Variants in ERC2 observed in about 807,000 individuals in gnomAD.
ERC2 encodes the protein ERC protein 2.
In ERC2, 42 loss-of-function variants were observed where a neutral mutation model predicts 114.8. The ratio of observed to expected loss-of-function variants is 0.37; its 90% CI spans 0.29 to 0.47. ERC2 has a LOEUF of 0.47. Ranked by LOEUF, ERC2 falls within the 20% of genes least tolerant of loss-of-function variation. The pLI is 0.99. For missense variants in ERC2, 939 were observed against 1,150.7 expected, an observed-to-expected ratio of 0.82 and a Z score of 2.66; for synonymous variants, 454 against 425.5, an observed-to-expected ratio of 1.07 and a Z score of -0.82.
At chr3:56,172,914 A>G (rs891061117) in intron 4 of ERC2, among the ~76,000 whole-genome samples, 1 of 152,168 alleles carries the variant, frequency 6.6e-6, no homozygotes, top group Admixed American at 6.5e-5. Context: ...GCTAAATAGG[A>G]TACTTTGCAA....
chr3:55,830,770 C>T (rs1375321436), intron 14 of ERC2, among the ~76,000 whole-genome samples: 1 of 151,826 alleles, frequency 6.6e-6, no homozygotes, highest in Non-Finnish European at 1.5e-5. Flanking sequence ...ATAGCAAGAC[C>T]CCATTTCTAA....
rs180807361 is a variant in ERC2, at chr3:56,044,091, T to C, written c.1642-25060A>G. ...CCTAGTTCTCAAAGTAAAATTACTT[T>C]CATTATCTTAAGTTAAAACCAAATA... On this transcript the variant is annotated intron_variant, in intron 7 of 17. Transcript: ENST00000288221. 2.2e-3 allele frequency among the ~76,000 whole-genome samples: 342 copies of C among 152,312 alleles called. 1 individual carries two copies. The highest frequency in any genetic ancestry group is 3.8e-3 in the Non-Finnish European group (259 of 68,006).
In ERC2 at chr3:56,301,617, T is replaced by C. The variant is rs1000029887; in HGVS notation, c.658-5182A>G. Among the ~76,000 whole-genome samples the C allele has an allele frequency of 3.3e-5, 5 of 151,972 alleles. No homozygotes were observed. In the East Asian group the frequency reaches 9.7e-4, roughly 29 times the overall value. Reference sequence around the variant, plus strand: ...TGGGCACAGTGGCATATGCCTATAGTCCCAGCTACTTGGGAGGCTGAGAGG... The same window carrying C: ...TGGGCACAGTGGCATATGCCTATAGCCCCAGCTACTTGGGAGGCTGAGAGG... On this transcript the variant is annotated intron_variant, in intron 2 of 17. Transcript: ENST00000288221.
chr3:56,075,338 G>A (rs1263616072), intron 7 of ERC2, among the ~76,000 whole-genome samples: 4 of 152,136 alleles, frequency 2.6e-5, no homozygotes, highest in African/African-American at 9.7e-5. Flanking sequence ...AGGGAGAGCA[G>A]CCGTCAACAG....
intron 4 of ERC2, among the ~76,000 whole-genome samples, chr3:56,157,653 T>C (rs994185375): frequency 6.6e-6 from 1 of 152,178 alleles, no homozygotes; most frequent in African/African-American, 2.4e-5. Context: ...TTCCCGTTCC[T>C]TTTAACCCAC....
intron 6 of ERC2, among the ~76,000 whole-genome samples, chr3:56,095,150 G>A (rs1423802168): frequency 1.3e-5 from 2 of 152,144 alleles, no homozygotes; most frequent in Admixed American, 6.5e-5. Flanking sequence ...AACTACTTGG[G>A]AGGCTGAGGC....
chr3:56,157,412 C>G (rs554217848), intron 4 of ERC2, among the ~76,000 whole-genome samples: 1 of 152,256 alleles, frequency 6.6e-6, no homozygotes, highest in South Asian at 2.1e-4. Context: ...CAATGGGTTG[C>G]ATGTCATCTT....
At chr3:55,528,964 A>G (rs1349887674) in intron 17 of ERC2, among the ~76,000 whole-genome samples, 1 of 152,204 alleles carries the variant, frequency 6.6e-6, no homozygotes, top group African/African-American at 2.4e-5. Flanking sequence ...TTTTAAGATG[A>G]AGACAGTGGA....
chr3:55,710,791 A>G (rs912028053), intron 15 of ERC2, among the ~76,000 whole-genome samples: 1 of 152,218 alleles, frequency 6.6e-6, no homozygotes, highest in African/African-American at 2.4e-5. Context: ...CTCCCCTACA[A>G]ATAAGGACTT....
chr3:55,684,864 A>G (rs1287056553), intron 16 of ERC2, among the ~76,000 whole-genome samples: 1 of 152,184 alleles, frequency 6.6e-6, no homozygotes, highest in Non-Finnish European at 1.5e-5. Flanking sequence ...TCTCCAGTGA[A>G]GTCAGATTTT....
At chr3:56,218,824 T>C (rs553084810) in intron 3 of ERC2, among the ~76,000 whole-genome samples, 1 of 152,182 alleles carries the variant, frequency 6.6e-6, no homozygotes, top group African/African-American at 2.4e-5. Context: ...AAATGATGAG[T>C]TCATGTCCTT....
intron 17 of ERC2, among the ~76,000 whole-genome samples, chr3:55,577,216 C>A (rs780722596): frequency 6.6e-6 from 1 of 152,052 alleles, no homozygotes; most frequent in Non-Finnish European, 1.5e-5. Flanking sequence ...GGTCTGCATT[C>A]CCACTGCATT....
rs140692790 is a variant in ERC2, at chr3:55,961,515, C to A, written c.2268-10955G>T. 4.3e-3 allele frequency among the ~76,000 whole-genome samples: 651 copies of A among 152,240 alleles called. 6 individuals carry two copies. The highest frequency in any genetic ancestry group is 0.015 in the African/African-American group (609 of 41,552). ...TGTCTTCCTTGTTCTGCTATAGGCA[C>A]CCTCTGTACAGTGATCACACCTACC... On this transcript the variant is annotated intron_variant, in intron 12 of 17. Coordinates refer to ENST00000288221, the MANE Select transcript of ERC2 (RefSeq NM_015576.3).
intron 6 of ERC2, among the ~76,000 whole-genome samples, chr3:56,125,110 A>T (rs2079797873): frequency 6.6e-6 from 1 of 152,206 alleles, no homozygotes. Context: ...ACGTTTTAAC[A>T]AGTCCATATT....
intron 17 of ERC2, among the ~76,000 whole-genome samples, chr3:55,665,025 G>A (rs1012435521): frequency 2.0e-5 from 3 of 152,136 alleles, no homozygotes; most frequent in Non-Finnish European, 4.4e-5. Flanking sequence ...AAAGCTTCAA[G>A]GTGTCTTTAC....
chr3:55,732,939 C>T (rs1056319804), intron 15 of ERC2, among the ~76,000 whole-genome samples: 19 of 152,146 alleles, frequency 1.2e-4, no homozygotes, highest in African/African-American at 4.6e-4. Flanking sequence ...CTCTTATGCA[C>T]CCCCACCCCC....
At chr3:56,348,637 ACT>A (rs2058402472) in intron 2 of ERC2, among the ~76,000 whole-genome samples, 1 of 151,644 alleles carries the variant, frequency 6.6e-6, no homozygotes, top group African/African-American at 2.4e-5. Flanking sequence ...TTTATTGAAC[ACT>A]CTGTGCAGGT....
chr3:56,160,970 C>T (rs914330929), intron 4 of ERC2, among the ~76,000 whole-genome samples: 3 of 152,210 alleles, frequency 2.0e-5, no homozygotes, highest in Admixed American at 1.3e-4. Context: ...GATGTTTGCT[C>T]CAAATCTTAT....
intron 12 of ERC2, among the ~76,000 whole-genome samples, chr3:55,967,125 C>T (rs2068802780): frequency 6.6e-6 from 1 of 152,142 alleles, no homozygotes; most frequent in Admixed American, 6.6e-5. Context: ...GAAACGTTAT[C>T]AGTGAATAGC....
Sources: allele counts gnomAD v4.1 joint callset (sites outside exome capture counted in the v4.1 genomes callset), GRCh38; gene constraint gnomAD v4.1.1; transcripts MANE v1.5; gene names NCBI Gene and HGNC (gene_info 2026-07-23, HGNC 2026-07-21).